Variants in SYCP2 observed in about 807,000 individuals in gnomAD.
The protein encoded by SYCP2 is synaptonemal complex protein 2, also known as synaptonemal complex lateral element protein.
Under a neutral mutation model 211.3 loss-of-function variants are expected in SYCP2, and 55 were observed. That is an observed-to-expected ratio of 0.26 (90% CI 0.21 to 0.33). The LOEUF is 0.33. Among genes scored for constraint, SYCP2 ranks in the 10% least tolerant of loss-of-function variants. The probability of loss-of-function intolerance (pLI) is 1.00; values close to 1 mark genes in which losing one functional copy is unlikely to be tolerated. For synonymous variants in SYCP2, 570 were observed against 555.2 expected, an observed-to-expected ratio of 1.03 and a Z score of -0.37; for missense variants, 1,731 against 1,752.0, an observed-to-expected ratio of 0.99 and a Z score of 0.21.
chr20:59,913,782 A>G (rs889901315), intron 12 of SYCP2, among the ~76,000 whole-genome samples, 193 bp downstream of exon 12: 1 of 152,112 alleles, frequency 6.6e-6, no homozygotes, highest in African/African-American at 2.4e-5. Flanking sequence ...GCCAGTGCAG[A>G]ATTATTTCAG....
In SYCP2 at chr20:59,886,755, T is replaced by C. The variant is rs1249450955; in HGVS notation, c.2444A>G (p.Lys815Arg). 4.4e-6 allele frequency: 7 copies of C among 1,589,918 alleles called. No homozygotes were observed. The highest frequency in any genetic ancestry group is 5.1e-6 in the Non-Finnish European group (6 of 1,170,304). ...TTTTCTTGTAGACTTGATGTCATCT[T>C]TTGTTTTGTATCTTTTATTGATTTG... is the stretch of plus-strand genomic sequence containing the variant. Reference protein sequence around the residue: ...ISQINKRYKTKDDIKSTRKLK... With the variant: ...ISQINKRYKTRDDIKSTRKLK... The change falls in exon 25 of 45, where the codon AAA (lysine) becomes AGA (arginine). Residue 815 changes from lysine to arginine, a missense_variant. Transcript: ENST00000357552.
rs961144832 is a variant in SYCP2, at chr20:59,877,875, G to T, written c.2979+133C>A. On this transcript the variant is annotated intron_variant, in intron 32 of 44. Coordinates refer to ENST00000357552, the MANE Select transcript of SYCP2 (RefSeq NM_014258.4). ...GATTTAAAAAGAAACAGGAGAAAGT[G>T]TGCAAAAGAAGGAAGAGGTACATAA... 1.2e-5 allele frequency: 8 copies of T among 692,224 alleles called. No homozygotes were observed. In the African/African-American group the frequency reaches 1.5e-4, roughly 13 times the overall value. 42.9% of individuals were successfully genotyped at this position (692,224 alleles called of 1,614,324 possible).
In SYCP2 at chr20:59,875,295, G is replaced by C. The variant is rs1169097820; in HGVS notation, c.3325C>G (p.Pro1109Ala). The C allele has an allele frequency of 6.2e-7, 1 of 1,608,390 alleles. No individual in the cohort carries two copies. Among genetic ancestry groups the C allele is most frequent in the South Asian group, 1.1e-5 (1 of 90,316 alleles). The change falls in exon 34 of 45, where the codon CCA becomes GCA. Residue 1109 changes from proline to alanine, a missense_variant. This residue lies in a region of SYCP2 where 1,387 missense variants were observed against 1,351.3 expected (regional missense o/e 1.03). Transcript: ENST00000357552. ...CATCTCGTTACTTCTATAGATGATGGACTGCCAGATAAAGATCTGGGAGAT... is the reference window on the plus strand; with the variant it reads ...CATCTCGTTACTTCTATAGATGATGCACTGCCAGATAAAGATCTGGGAGAT... ...DLSPRSLSGSPSSIEVTRCIE... is the reference protein window; with the variant it reads ...DLSPRSLSGSASSIEVTRCIE...
chr20:59,870,089 AACT>A (rs754868627), intron 35 of SYCP2, 106 bp from the exon 36 acceptor site: 1 of 670,930 alleles, frequency 1.5e-6, no homozygotes, highest in East Asian at 2.8e-5. Context: ...AAAACTGCAA[AACT>A]ACTAATTCAC....
chr20:59,866,263 CTTAT>C, intron 41 of SYCP2, 26 bp downstream of exon 41: 1 of 1,451,834 alleles, frequency 6.9e-7, no homozygotes, highest in Non-Finnish European at 9.4e-7. Context: ...AGGTTTTAAA[CTTAT>C]TTAAAAAATT....
At position 59,868,858 on chromosome 20, in the gene SYCP2, G is replaced by A; in HGVS notation, c.3809C>T (p.Pro1270Leu). 6.2e-7 allele frequency: 1 copy of A among 1,609,608 alleles called. No individual in the cohort carries two copies. Among genetic ancestry groups the A allele is most frequent in the Non-Finnish European group, 8.5e-7 (1 of 1,177,524 alleles). ...EGREKTWFDM[P>L]CDATHVSGPT... Reference sequence around the variant, plus strand: ...ACCTGATACATGAGTAGCATCACAGGGCATGTCAAACCACGTTTTCTCTCT... The same window carrying A: ...ACCTGATACATGAGTAGCATCACAGAGCATGTCAAACCACGTTTTCTCTCT... The change falls in exon 37 of 45, where the codon CCC (proline) becomes CTC (leucine). Residue 1270 changes from proline to leucine, a missense_variant. Coordinates refer to ENST00000357552, the MANE Select transcript of SYCP2 (RefSeq NM_014258.4).
At position 59,865,441 on chromosome 20, in the gene SYCP2, A is replaced by C. The variant is rs2059311834; in HGVS notation, c.4462T>G (p.Cys1488Gly). ...ACTTTCATATCTTCTTTCATCAAAC[A>C]CATCTGTAAAAAAGTAAATATATTT... is the stretch of plus-strand genomic sequence containing the variant. ...SEETVFTSEM[C>G]LMKEDMKVLQ... The change falls in exon 44 of 45, where the codon TGT becomes GGT. Residue 1488 changes from cysteine to glycine, a missense_variant. By Grantham distance (159) the Cys-to-Gly change is radical (BLOSUM62 -3). Transcript: ENST00000357552. The C allele has an allele frequency of 1.9e-6, 3 of 1,609,196 alleles. No homozygotes were observed. Among genetic ancestry groups the C allele is most frequent in the Non-Finnish European group, 2.5e-6 (3 of 1,177,664 alleles).
intron 15 of SYCP2, among the ~76,000 whole-genome samples, chr20:59,905,547 T>C (rs2060198127): frequency 6.6e-6 from 1 of 152,092 alleles, no homozygotes. Flanking sequence ...TTATATAAAC[T>C]CTAGAAAATG....
chr20:59,928,875 G>T (rs1486363976), intron 2 of SYCP2, among the ~76,000 whole-genome samples: 1 of 152,052 alleles, frequency 6.6e-6, no homozygotes, highest in Non-Finnish European at 1.5e-5. Context: ...AATTCAGGAG[G>T]CTATCACTAA....
chr20:59,904,679 G>T (rs2060181718), intron 15 of SYCP2, among the ~76,000 whole-genome samples: 1 of 152,136 alleles, frequency 6.6e-6, no homozygotes, highest in African/African-American at 2.4e-5. Context: ...CTTTTTAGAA[G>T]AAGACTATAT....
intron 37 of SYCP2, 60 bp from the exon 38 acceptor site, chr20:59,868,628 T>A (rs1340868309): frequency 1.3e-6 from 2 of 1,497,278 alleles, no homozygotes; most frequent in Non-Finnish European, 1.8e-6. Flanking sequence ...TACCTCATAT[T>A]TTCTTGCTTT....
Position 59,864,209 on chromosome 20 carries a change from T to G in SYCP2, c.*102A>C, listed in dbSNP as rs2059284884. On this transcript the variant is annotated 3_prime_UTR_variant, in exon 45 of 45. Coordinates refer to ENST00000357552, the MANE Select transcript of SYCP2 (RefSeq NM_014258.4). ...GGGTTCCTATAAAGGGTACACTTGC[T>G]TCGGTGACATGTATATTTTTCTCTT... 10 of 818,454 alleles carry G rather than the reference T, an allele frequency of 1.2e-5. No homozygotes were observed. The highest frequency in any genetic ancestry group is 1.9e-5 in the Non-Finnish European group (10 of 530,178). The allele number at this position is 818,454 out of a possible 1,614,324, so 50.7% of individuals were successfully genotyped here.
At chr20:59,877,196 A>T (rs1296809456) in intron 33 of SYCP2, among the ~76,000 whole-genome samples, 189 bp downstream of exon 33, 1 of 152,258 alleles carries the variant, frequency 6.6e-6, no homozygotes, top group Admixed American at 6.5e-5. Flanking sequence ...TTGTAAAAAA[A>T]ATGCCAACTT....
At chr20:59,932,397 C>T (rs950299902) in intron 1 of SYCP2, among the ~76,000 whole-genome samples, 24 of 152,064 alleles carry the variant, frequency 1.6e-4, no homozygotes, top group African/African-American at 5.1e-4. Flanking sequence ...AAATGTAGGC[C>T]GGGCGAGGTG....
chr20:59,879,845 A>G (rs1007900336), intron 31 of SYCP2, among the ~76,000 whole-genome samples: 1 of 133,612 alleles, frequency 7.5e-6, no homozygotes, highest in African/African-American at 3.3e-5. Flanking sequence ...ATATATATAT[A>G]TATATATATA....
intron 30 of SYCP2, 124 bp downstream of exon 30, chr20:59,880,842 A>C: frequency 2.0e-6 from 1 of 503,070 alleles, no homozygotes; most frequent in African/African-American, 2.0e-5. Flanking sequence ...CATAATAGGA[A>C]GGTGGATAGT....
intron 6 of SYCP2, 39 bp downstream of exon 6, chr20:59,919,454 A>G (rs377062466): frequency 7.9e-5 from 109 of 1,388,428 alleles, no homozygotes; most frequent in Non-Finnish European, 1.1e-4. Context: ...AAATAAACAC[A>G]TGCTTTATAA....
intron 41 of SYCP2, 141 bp from the exon 42 acceptor site, chr20:59,866,006 T>C (rs2059324997): frequency 4.4e-6 from 2 of 456,902 alleles, no homozygotes; most frequent in Admixed American, 3.9e-5. Flanking sequence ...AAATAAACAG[T>C]ATGGCTATAT....
chr20:59,916,595 G>GATAA, intron 7 of SYCP2, 24 bp from the exon 8 acceptor site: 1 of 1,433,908 alleles, frequency 7.0e-7, no homozygotes, highest in Non-Finnish European at 9.8e-7. Flanking sequence ...TTAAATTATT[G>GATAA]ATAAATGTTC....
Sources: allele counts gnomAD v4.1 joint callset (sites outside exome capture counted in the v4.1 genomes callset), GRCh38; gene constraint gnomAD v4.1.1; regional missense constraint gnomAD v4.1.1; transcripts MANE v1.5; gene names NCBI Gene and HGNC (gene_info 2026-07-23, HGNC 2026-07-21).